Variants in GSE1 observed in about 807,000 individuals in gnomAD.
The protein encoded by GSE1 is Gse1 coiled-coil protein, also known as genetic suppressor element 1.
Under a neutral mutation model 112.6 loss-of-function variants are expected in GSE1, and 32 were observed. That is an observed-to-expected ratio of 0.28 (90% CI 0.21 to 0.38). The LOEUF is 0.38. GSE1 is among the 10% of genes least tolerant of loss of function. GSE1 has a pLI of 1.00. For synonymous variants in GSE1, 1,115 were observed against 735.6 expected (o/e 1.52, Z -8.35); for missense variants, 2,348 against 1,699.2 (o/e 1.38, Z -6.71).
At chr16:85,203,571 G>A (rs36007818) in intron 1 of GSE1, among the ~76,000 whole-genome samples, 3,431 of 152,270 alleles carry the variant, frequency 0.023, 105 homozygotes, top group East Asian at 0.12. Context: ...AGGAAGAGTG[G>A]CAAGTGGGCC....
At chr16:85,383,025 C>T in intron 2 of GSE1, among the ~76,000 whole-genome samples, 1 of 151,906 alleles carries the variant, frequency 6.6e-6, no homozygotes, top group East Asian at 1.9e-4. Context: ...GTTGCACCCA[C>T]ACATGCACAC....
At chr16:85,403,977 C>A (rs1315984651) in intron 2 of GSE1, among the ~76,000 whole-genome samples, 1 of 151,608 alleles carries the variant, frequency 6.6e-6, no homozygotes, top group Non-Finnish European at 1.5e-5. Flanking sequence ...CTCACTGCAG[C>A]CTTCAGGGCA....
intron 2 of GSE1, among the ~76,000 whole-genome samples, chr16:85,402,399 G>A (rs1464611431): frequency 3.3e-5 from 5 of 152,186 alleles, no homozygotes; most frequent in South Asian, 2.1e-4. Flanking sequence ...AGAAGGGAGC[G>A]CACAGCCTCA....
At chr16:85,667,893 C>T (rs899581481) in intron 13 of GSE1, among the ~76,000 whole-genome samples, 1 of 131,420 alleles carries the variant, frequency 7.6e-6, no homozygotes, top group Non-Finnish European at 1.7e-5. Context: ...TGAATTCCAA[C>T]AAAAATGGTC....
rs574880453 is a variant in GSE1, at chr16:85,515,843, C to G, written c.2465-118071C>G. On this transcript the variant is annotated intron_variant, in intron 2 of 2. Transcript: ENST00000637419. The stretch of plus-strand genomic sequence containing the variant: ...AACACGGGGGAAGAAAGCCGGTCCC[C>G]TCCTGCCTCTTCTGCCAAGGCCTTA... Among the ~76,000 whole-genome samples the G allele has an allele frequency of 5.3e-5, 8 of 152,268 alleles. No individual in the cohort carries two copies. In the South Asian group the frequency reaches 1.7e-3, roughly 32 times the overall value.
chr16:85,450,359 C>G (rs1211077267), intron 2 of GSE1, among the ~76,000 whole-genome samples: 1 of 151,942 alleles, frequency 6.6e-6, no homozygotes, highest in Non-Finnish European at 1.5e-5. Flanking sequence ...TTCAGGTGAT[C>G]TGCCCGCCTT....
At chr16:85,183,054 C>T (rs1411074494) in intron 1 of GSE1, among the ~76,000 whole-genome samples, 1 of 152,212 alleles carries the variant, frequency 6.6e-6, no homozygotes, top group Non-Finnish European at 1.5e-5. Context: ...CGTGCACACT[C>T]ATACACTGTC....
chr16:85,224,678 C>T lies in GSE1; in HGVS notation c.2283+52871C>T, dbSNP rs531130501. 1.4e-4 allele frequency among the ~76,000 whole-genome samples: 21 copies of T among 152,226 alleles called. No homozygotes were observed. In the East Asian group the frequency reaches 3.3e-3, roughly 24 times the overall value. ...ACCTTCTGATGGCAGGGGAGGGGGG[C>T]ACTTGGTTTGCAGAATGCAGAAATA... On this transcript the variant is annotated intron_variant, in intron 1 of 2. Transcript: ENST00000637419.
upstream of GSE1, among the ~76,000 whole-genome samples, chr16:85,553,408 T>G (rs2045032244): frequency 1.3e-5 from 2 of 151,526 alleles, no homozygotes; most frequent in African/African-American, 4.8e-5. Flanking sequence ...ACCTCCAGGG[T>G]CAGCGCGGGG....
chr16:85,234,068 C>T lies in GSE1; in HGVS notation c.2283+62261C>T, dbSNP rs535777637. 3.9e-5 allele frequency among the ~76,000 whole-genome samples: 6 copies of T among 152,270 alleles called. No individual in the cohort carries two copies. The South Asian group carries it at 1.0e-3, about 26-fold the overall frequency. ...CAGGTTCAATAGGACAAGACCAGGG[C>T]GAGGGAATCTGCATTTTAACAACCA... On this transcript the variant is annotated intron_variant, in intron 1 of 2. Coordinates refer to the GSE1 transcript ENST00000637419.
chr16:85,659,051 C>T (rs1050567435), intron 8 of GSE1, among the ~76,000 whole-genome samples: 8 of 152,200 alleles, frequency 5.3e-5, no homozygotes, highest in Admixed American at 2.0e-4. Context: ...CTTGGTGTGG[C>T]GCATGAAATA....
intron 2 of GSE1, among the ~76,000 whole-genome samples, chr16:85,527,107 C>A (rs1473332815): frequency 6.6e-6 from 1 of 152,194 alleles, no homozygotes; most frequent in Non-Finnish European, 1.5e-5. Context: ...TGGACTGCGC[C>A]CCACCTCCTC....
At chr16:85,198,695 C>T (rs975855190) in intron 1 of GSE1, among the ~76,000 whole-genome samples, 3 of 152,156 alleles carry the variant, frequency 2.0e-5, no homozygotes, top group African/African-American at 7.2e-5. Context: ...CCCTACACTG[C>T]AGAGACCCCC....
chr16:85,428,179 G>T lies in GSE1; in HGVS notation c.2464+70536G>T, dbSNP rs531060871. Among the ~76,000 whole-genome samples the T allele has an allele frequency of 1.7e-3, 263 of 152,344 alleles. 1 individual carries two copies. The highest frequency in any genetic ancestry group is 5.9e-3 in the African/African-American group (247 of 41,574). ...GCCTCTCCAGATCCCAGGCAGGAGG[G>T]AGAGCAGGGGCTGGCCCCTCATTAG... On this transcript the variant is annotated intron_variant, in intron 2 of 2. Coordinates refer to the GSE1 transcript ENST00000637419.
intron 2 of GSE1, among the ~76,000 whole-genome samples, chr16:85,360,918 C>G (rs4602029): frequency 0.067 from 10,248 of 152,020 alleles, 1,156 homozygotes; most frequent in African/African-American, 0.23. Flanking sequence ...CACAGACTTA[C>G]AAGCACAGGG....
intron 5 of GSE1, 59 bp from the exon 6 acceptor site, chr16:85,655,667 C>A: frequency 8.4e-7 from 1 of 1,185,952 alleles, no homozygotes; most frequent in South Asian, 1.4e-5. Context: ...CACCTGTCGA[C>A]AGGGCTGGGT....
chr16:85,259,816 C>T (rs1907482444), intron 1 of GSE1, among the ~76,000 whole-genome samples: 1 of 152,190 alleles, frequency 6.6e-6, no homozygotes, highest in South Asian at 2.1e-4. Context: ...GCGCATGGGG[C>T]ATGGCACTGA....
Position 85,663,110 on chromosome 16 carries a change from C to A in GSE1, c.2373+17C>A. 1 of 1,523,984 alleles carries A rather than the reference C, an allele frequency of 6.6e-7. No individual in the cohort carries two copies. Among genetic ancestry groups the A allele is most frequent in the South Asian group, 1.1e-5 (1 of 89,268 alleles). The allele number at this position is 1,523,984 out of a possible 1,614,324, so 94.4% of individuals were successfully genotyped here. On this transcript the variant is annotated intron_variant, in intron 10 of 15. Coordinates refer to ENST00000253458, the MANE Select transcript of GSE1 (RefSeq NM_014615.5). Reference sequence around the variant, plus strand: ...TCCTCTGAGGTACTGGGCTCTCCTCCCCACGGACATGCTCTGGGCTGGGCT... The same window carrying A: ...TCCTCTGAGGTACTGGGCTCTCCTCACCACGGACATGCTCTGGGCTGGGCT...
chr16:85,227,503 T>A, intron 1 of GSE1, among the ~76,000 whole-genome samples: 1 of 152,168 alleles, frequency 6.6e-6, no homozygotes, highest in East Asian at 1.9e-4. Flanking sequence ...GCGATCCAGG[T>A]AGCAGGAACA....
Sources: allele counts gnomAD v4.1 joint callset (sites outside exome capture counted in the v4.1 genomes callset), GRCh38; gene constraint gnomAD v4.1.1; transcripts MANE v1.5; gene names NCBI Gene and HGNC (gene_info 2026-07-23, HGNC 2026-07-21).